YARS1: variants seen among roughly 807,000 people sequenced by gnomAD.
YARS1 encodes the protein tyrosyl-tRNA synthetase 1.
YARS1 carries 36 observed loss-of-function variants against 62.2 expected under a neutral mutation model. The observed-to-expected ratio is 0.58, with a 90% CI of 0.44 to 0.76. The LOEUF (loss-of-function observed/expected upper bound fraction) is 0.76, where lower values mean the gene tolerates loss of function less well. YARS1 is among the 30% of genes least tolerant of loss of function. YARS1 has a pLI of 0.00. For missense variants in YARS1, 524 were observed against 639.8 expected, an observed-to-expected ratio of 0.82 and a Z score of 1.95; for synonymous variants, 234 against 244.9, an observed-to-expected ratio of 0.96 and a Z score of 0.42.
intron 4 of YARS1, among the ~76,000 whole-genome samples, chr1:32,804,799 G>A (rs575162242): frequency 6.6e-6 from 1 of 152,208 alleles, no homozygotes; most frequent in South Asian, 2.1e-4. Context: ...TGGGCGGCCA[G>A]GCAGAGACGC....
Position 32,776,050 on chromosome 1 carries a change from CT to C in YARS1, c.1517del (p.Lys506SerfsTer6). 1 of 1,614,138 alleles carries C rather than the reference CT, an allele frequency of 6.2e-7. No individual in the cohort carries two copies. The highest frequency in any genetic ancestry group is 1.1e-5 in the South Asian group (1 of 91,078). On this transcript the variant is annotated frameshift_variant, in exon 13 of 13. Coordinates refer to ENST00000373477, the MANE Select transcript of YARS1 (RefSeq NM_003680.4). LOFTEE classifies it high-confidence loss of function. The surrounding 1 kb of genome is among the most constrained non-coding windows in gnomAD (Gnocchi z 4.0). Reference sequence around the variant, plus strand: ...CCAGCTTGGTCATGAAGTTGGTTTGCTTCCACTGTGCGATGCACTCCTCAGA... The same window carrying C: ...CCAGCTTGGTCATGAAGTTGGTTTGCTCCACTGTGCGATGCACTCCTCAGA... Reference protein sequence around the residue: ...KISEECIAQWKQTNFMTKLGS... With the variant: ...KISEECIAQWXQTNFMTKLGS...
intron 6 of YARS1, among the ~76,000 whole-genome samples, chr1:32,787,705 G>C (rs977120405): frequency 1.1e-4 from 17 of 151,974 alleles, no homozygotes; most frequent in Non-Finnish European, 1.8e-4. Flanking sequence ...AGTAGAGACA[G>C]GGTTTCACCG....
chr1:32,811,061 T>G lies in YARS1; in HGVS notation c.58-4A>C. ...GCTTCTCTTCCCCCAGAACCTCCTA[T>G]TGTGGAAGCAGAAGAGTTAGTTTAA... On this transcript the variant is annotated splice_polypyrimidine_tract_variant and splice_region_variant and intron_variant, in intron 1 of 12. Transcript: ENST00000373477. 1 of 1,614,060 alleles carries G rather than the reference T, an allele frequency of 6.2e-7. No individual in the cohort carries two copies. Among genetic ancestry groups the G allele is most frequent in the Non-Finnish European group, 8.5e-7 (1 of 1,180,010 alleles).
At chr1:32,786,485 C>G (rs1557449988) in intron 7 of YARS1, 38 bp from the exon 8 acceptor site, 1 of 1,571,758 alleles carries the variant, frequency 6.4e-7, no homozygotes, top group Admixed American at 1.7e-5. Flanking sequence ...AACTCATTGA[C>G]AGCATTCCTA....
At chr1:32,789,951 T>G (rs1378573247) in intron 6 of YARS1, among the ~76,000 whole-genome samples, 1 of 150,490 alleles carries the variant, frequency 6.6e-6, no homozygotes, top group Non-Finnish European at 1.5e-5. Flanking sequence ...CAGTGTGATC[T>G]TGGCTCACTG....
chr1:32,779,858 T>C (rs1652994580), intron 11 of YARS1: 2 of 635,250 alleles, frequency 3.1e-6, no homozygotes, highest in Non-Finnish European at 5.5e-6. Context: ...GGGTATGTAC[T>C]GGTTTGAGCC....
chr1:32,785,755 T>C (rs1653204646), intron 8 of YARS1, among the ~76,000 whole-genome samples: 1 of 151,844 alleles, frequency 6.6e-6, no homozygotes, highest in Non-Finnish European at 1.5e-5. Context: ...GCTACTTTTT[T>C]GTATTTTTAA....
At chr1:32,799,171 G>C (rs1653698045) in intron 4 of YARS1, among the ~76,000 whole-genome samples, 1 of 152,224 alleles carries the variant, frequency 6.6e-6, no homozygotes, top group South Asian at 2.1e-4. Flanking sequence ...TAGAATGTGA[G>C]AAGGCACAGA....
chr1:32,780,701 C>T (rs889431888), intron 10 of YARS1: 1 of 423,114 alleles, frequency 2.4e-6, no homozygotes, highest in Non-Finnish European at 4.4e-6. Flanking sequence ...TTCCCTCCAC[C>T]ACTTTCTGAA....
chr1:32,781,282 CTTT>C, intron 9 of YARS1, 137 bp from the exon 10 acceptor site: 1 of 756,396 alleles, frequency 1.3e-6, no homozygotes, highest in African/African-American at 1.7e-5. Flanking sequence ...GTTGTAACTT[CTTT>C]AATACTGGGT....
At chr1:32,806,858 G>A (rs1249922176) in intron 3 of YARS1, among the ~76,000 whole-genome samples, 1 of 152,100 alleles carries the variant, frequency 6.6e-6, no homozygotes, top group Non-Finnish European at 1.5e-5. Flanking sequence ...TACCTATTGG[G>A]TATTGTGCTG....
chr1:32,789,426 T>C (rs1299302276), intron 6 of YARS1, among the ~76,000 whole-genome samples: 1 of 152,184 alleles, frequency 6.6e-6, no homozygotes, highest in African/African-American at 2.4e-5. Context: ...ATTTTTCCTT[T>C]TTAGGTAATA....
intron 9 of YARS1, chr1:32,781,455 A>C: frequency 2.6e-6 from 1 of 378,070 alleles, no homozygotes; most frequent in East Asian, 6.3e-5. Context: ...GTGGTAGCTC[A>C]CACCTGTAAT....
chr1:32,781,010 C>T (rs1321378408), intron 10 of YARS1, 38 bp downstream of exon 10: 1 of 1,595,900 alleles, frequency 6.3e-7, no homozygotes. Context: ...AAACCTGACC[C>T]CAATCTGCCT....
Position 32,806,481 on chromosome 1 carries a change from C to A in YARS1, c.510+1G>T. The A allele has an allele frequency of 6.2e-7, 1 of 1,613,934 alleles. No individual in the cohort carries two copies. On this transcript the variant is annotated splice_donor_variant, in intron 4 of 12. Transcript: ENST00000373477. LOFTEE classifies it high-confidence loss of function. ...CGGGCCACTCCATCCCCCTTAAGTA[C>A]CTGCAGTCCGGGGTATAAGAGGCCA...
chr1:32,782,632 AAC>A, intron 8 of YARS1, 93 bp from the exon 9 acceptor site: 3 of 1,547,314 alleles, frequency 1.9e-6, no homozygotes, highest in Non-Finnish European at 1.8e-6. Context: ...AGTTTTTCCC[AAC>A]AGTCTTATTT....
intron 9 of YARS1, chr1:32,781,775 T>C (rs1213319298): frequency 6.0e-6 from 1 of 166,226 alleles, no homozygotes; most frequent in African/African-American, 2.4e-5. Flanking sequence ...CGATACCCTA[T>C]ATACCGGTTG....
intron 12 of YARS1, among the ~76,000 whole-genome samples, chr1:32,777,697 C>T (rs532301755): frequency 8.5e-5 from 13 of 152,182 alleles, no homozygotes; most frequent in Admixed American, 3.3e-4. Context: ...AAGGCTGAGG[C>T]GGGAGAATCA....
At chr1:32,810,861 T>C in intron 2 of YARS1, 50 bp downstream of exon 2, 1 of 1,614,054 alleles carries the variant, frequency 6.2e-7, no homozygotes. Flanking sequence ...TAAGTCTCTC[T>C]TGGGTCTCCC....
Sources: allele counts gnomAD v4.1 joint callset (sites outside exome capture counted in the v4.1 genomes callset), GRCh38; gene constraint gnomAD v4.1.1; non-coding constraint Gnocchi (gnomAD v3.1); transcripts MANE v1.5; gene names NCBI Gene and HGNC (gene_info 2026-07-23, HGNC 2026-07-21).